Variants in EMC3 observed in about 807,000 individuals in gnomAD.
EMC3 encodes ER membrane protein complex subunit 3, also known as 30 kDa protein.
In EMC3, 13 loss-of-function variants were observed where a neutral mutation model predicts 36.6. The ratio of observed to expected loss-of-function variants is 0.35; its 90% confidence interval spans 0.23 to 0.56. The LOEUF is 0.56. EMC3 is among the 20% of genes least tolerant of loss of function. The pLI is 0.84. For synonymous variants in EMC3, 120 were observed against 111.9 expected (o/e 1.07, Z -0.46); for missense variants, 220 against 324.5 (o/e 0.68, Z 2.47).
intron 3 of EMC3, among the ~76,000 whole-genome samples, chr3:9,974,900 G>A (rs1575677626): frequency 9.4e-6 from 1 of 106,574 alleles, no homozygotes; most frequent in Non-Finnish European, 1.7e-5. Context: ...TCACTCTATC[G>A]CCCAGGCTGG....
chr3:9,986,059 C>G (rs1210698133), intron 1 of EMC3, among the ~76,000 whole-genome samples: 1 of 152,108 alleles, frequency 6.6e-6, no homozygotes, highest in Non-Finnish European at 1.5e-5. Context: ...CTGACAGTCC[C>G]ACCAGGCCCG....
intron 1 of EMC3, among the ~76,000 whole-genome samples, chr3:9,985,815 AC>A (rs2085964770): frequency 6.6e-6 from 1 of 151,970 alleles, no homozygotes; most frequent in South Asian, 2.1e-4. Context: ...AATCGCTTGA[AC>A]CCGGGAGGCG....
chr3:9,973,793 C>T, intron 4 of EMC3, 84 bp from the exon 5 acceptor site: 1 of 1,266,182 alleles, frequency 7.9e-7, no homozygotes, highest in Admixed American at 1.7e-5. Context: ...GAGGTGGGAA[C>T]TCTGTGCCAC....
chr3:9,987,909 A>G (rs1460613420), upstream of EMC3: 9 of 1,002,568 alleles, frequency 9.0e-6, no homozygotes, highest in East Asian at 1.9e-4. Flanking sequence ...TCTGCAGGTA[A>G]TCTCTGAGCT....
chr3:10,006,158 T>C (rs188167456), intron 1 of EMC3, among the ~76,000 whole-genome samples: 450 of 152,296 alleles, frequency 3.0e-3, no homozygotes, highest in Non-Finnish European at 4.9e-3. Context: ...GAAACGTCCC[T>C]GATACACCAA....
At chr3:10,001,633 A>C (rs1294674663) in intron 1 of EMC3, among the ~76,000 whole-genome samples, 1 of 151,800 alleles carries the variant, frequency 6.6e-6, no homozygotes, top group Non-Finnish European at 1.5e-5. Flanking sequence ...CTCTGTATTC[A>C]GTTTCATTGG....
At chr3:9,995,177 A>G (rs1349067797) in intron 1 of EMC3, among the ~76,000 whole-genome samples, 8 of 152,120 alleles carry the variant, frequency 5.3e-5, no homozygotes, top group Non-Finnish European at 8.8e-5. Flanking sequence ...GACCCTCTTA[A>G]TGTCTTAGAG....
chr3:9,974,392 A>G lies in EMC3; in HGVS notation c.404T>C (p.Phe135Ser). ...CTGGGTCTGTAACTTACTTGTGACA[A>G]AGCCTGAGAATGTCATGTTGATCCA... ...GGWINMTFSG[F>S]VTTKVPFPLT... The change falls in exon 4 of 8, where the codon TTT becomes TCT. Residue 135 changes from phenylalanine to serine, a missense_variant. This residue lies in a region of EMC3 where 127 missense variants were observed against 174.6 expected (regional missense o/e 0.73). Coordinates refer to ENST00000245046, the MANE Select transcript of EMC3 (RefSeq NM_001394674.1). The G allele has an allele frequency of 6.2e-7, 1 of 1,612,334 alleles. No individual in the cohort carries two copies. The highest frequency in any genetic ancestry group is 8.5e-7 in the Non-Finnish European group (1 of 1,178,342).
chr3:9,988,658 TA>T (rs2086008124), upstream of EMC3: 5 of 1,103,398 alleles, frequency 4.5e-6, no homozygotes, highest in Non-Finnish European at 6.9e-6. Flanking sequence ...GAATAAGGTG[TA>T]ACGTGTTTCG....
intron 1 of EMC3, among the ~76,000 whole-genome samples, chr3:10,005,467 G>GT (rs1250124356): frequency 6.6e-6 from 1 of 152,136 alleles, no homozygotes; most frequent in Non-Finnish European, 1.5e-5. Context: ...GTGTCATACT[G>GT]TATTTCAGGA....
chr3:9,980,075 G>A (rs1200322443), intron 1 of EMC3, among the ~76,000 whole-genome samples: 3 of 149,156 alleles, frequency 2.0e-5, no homozygotes, highest in Admixed American at 6.7e-5. Context: ...CTGCAATGGC[G>A]CAATCCCAGC....
In EMC3 at chr3:9,986,615, A is replaced by C. The variant is rs1285181868; in HGVS notation, c.47T>G (p.Val16Gly). 2 of 1,614,094 alleles carry C rather than the reference A, an allele frequency of 1.2e-6. No individual in the cohort carries two copies. Among genetic ancestry groups the C allele is most frequent in the African/African-American group, 1.3e-5 (1 of 74,934 alleles). ...LLLDSNIRLWVVLPIVIITFF... is the reference protein window; with the variant it reads ...LLLDSNIRLWGVLPIVIITFF... ...AGTGATGATAACGATGGGTAGGACC[A>C]CCCAGAGGCGGATGTTGGAGTCGAG... Residue 16 changes from valine to glycine, a missense_variant, in exon 1 of 8, where the codon GTG (valine) becomes GGG (glycine). Around this residue, in one of 3 missense-constraint regions of EMC3, gnomAD observed 127 missense variants for 174.6 expected, o/e 0.73. Transcript: ENST00000245046.
upstream of EMC3, among the ~76,000 whole-genome samples, chr3:9,989,778 A>C (rs1298131204): frequency 2.0e-5 from 3 of 152,036 alleles, no homozygotes; most frequent in African/African-American, 4.8e-5. Context: ...ATATAAATAT[A>C]ATTTGTATTC....
intron 5 of EMC3, among the ~76,000 whole-genome samples, chr3:9,971,036 C>T (rs1419006360): frequency 6.6e-6 from 1 of 151,820 alleles, no homozygotes; most frequent in Non-Finnish European, 1.5e-5. Flanking sequence ...GATTCTCCTG[C>T]CTCAACCTCC....
upstream of EMC3, chr3:9,987,230 AAAG>A: frequency 1.0e-6 from 1 of 984,484 alleles, no homozygotes; most frequent in Non-Finnish European, 1.2e-6. Context: ...AAAAAAAAAA[AAAG>A]AAAGAAAACT....
chr3:9,994,323 G>A, intron 1 of EMC3: 1 of 905,378 alleles, frequency 1.1e-6, no homozygotes, highest in Non-Finnish European at 1.8e-6. Flanking sequence ...ACTGCCAGCA[G>A]GTATGTTGAA....
chr3:9,968,292 T>C (rs528322865), intron 7 of EMC3, among the ~76,000 whole-genome samples: 1 of 152,334 alleles, frequency 6.6e-6, no homozygotes, highest in Non-Finnish European at 1.5e-5. Context: ...TAAAATTGTT[T>C]TCCTTTCATT....
At chr3:9,987,663 A>G (rs1426488900), upstream of EMC3, among the ~76,000 whole-genome samples, 2 of 152,266 alleles carry the variant, frequency 1.3e-5, no homozygotes, top group Non-Finnish European at 2.9e-5. Flanking sequence ...TCATTGATCT[A>G]TATAAGCTGC....
At chr3:9,982,164 T>G (rs112151866) in intron 1 of EMC3, among the ~76,000 whole-genome samples, 94 of 151,800 alleles carry the variant, frequency 6.2e-4, no homozygotes, top group African/African-American at 2.2e-3. Flanking sequence ...TGGCCAGCCT[T>G]GTCTCGAACT....
Sources: allele counts gnomAD v4.1 joint callset (sites outside exome capture counted in the v4.1 genomes callset), GRCh38; gene constraint gnomAD v4.1.1; regional missense constraint gnomAD v4.1.1; transcripts MANE v1.5; gene names NCBI Gene and HGNC (gene_info 2026-07-23, HGNC 2026-07-21).